TMEM132D: variants seen among roughly 807,000 people sequenced by gnomAD.
TMEM132D encodes the protein mature OL transmembrane protein.
A neutral mutation model predicts 62.3 loss-of-function variants in TMEM132D; 21 were observed. The ratio of observed to expected loss-of-function variants is 0.34; its 90% CI spans 0.24 to 0.49. The LOEUF (loss-of-function observed/expected upper bound fraction) is 0.49. TMEM132D is among the 20% of genes least tolerant of loss of function. The pLI is 0.99. For missense variants in TMEM132D, 1,346 were observed against 1,402.8 expected, an observed-to-expected ratio of 0.96 and a Z score of 0.65; for synonymous variants, 621 against 575.6, an observed-to-expected ratio of 1.08 and a Z score of -1.13.
intron 4 of TMEM132D, 89 bp from the exon 5 acceptor site, chr12:129,209,752 C>T (rs1878973753): frequency 6.4e-7 from 1 of 1,550,768 alleles, no homozygotes; most frequent in Non-Finnish European, 8.8e-7. Flanking sequence ...CTCAGCCTCC[C>T]TGCAAACAGC....
intron 5 of TMEM132D, among the ~76,000 whole-genome samples, chr12:129,097,105 C>T (rs1875140697): frequency 6.6e-6 from 1 of 152,354 alleles, no homozygotes; most frequent in African/African-American, 2.4e-5. Context: ...TGCCCCTGCC[C>T]TGTCCACATT....
At chr12:129,232,829 AAG>A (rs138298025) in intron 4 of TMEM132D, among the ~76,000 whole-genome samples, 1,898 of 149,296 alleles carry the variant, frequency 0.013, 36 homozygotes, top group African/African-American at 0.041. Flanking sequence ...GAGAGAGATA[AAG>A]AGAGAGAGAG....
chr12:129,501,586 C>T (rs1875142442), intron 3 of TMEM132D, among the ~76,000 whole-genome samples: 1 of 151,852 alleles, frequency 6.6e-6, no homozygotes, highest in African/African-American at 2.4e-5. Flanking sequence ...CTCATTGCAA[C>T]CTTGACGTCC....
At chr12:129,635,021 A>C (rs1879441308) in intron 2 of TMEM132D, among the ~76,000 whole-genome samples, 1 of 152,206 alleles carries the variant, frequency 6.6e-6, no homozygotes, top group Admixed American at 6.5e-5. Flanking sequence ...TCAAAACTAT[A>C]ATGAAACACT....
At chr12:129,519,610 CT>C (rs35695419) in intron 3 of TMEM132D, among the ~76,000 whole-genome samples, 70 of 147,028 alleles carry the variant, frequency 4.8e-4, no homozygotes, top group Non-Finnish European at 7.5e-4. Context: ...GATAAGAATG[CT>C]TTTTTTTTTT....
intron 4 of TMEM132D, among the ~76,000 whole-genome samples, chr12:129,318,103 T>A (rs1868545527): frequency 6.6e-6 from 1 of 152,214 alleles, no homozygotes; most frequent in African/African-American, 2.4e-5. Flanking sequence ...GTCCCTCCCT[T>A]ATTAGCTTAA....
At chr12:129,846,015 C>T (rs986531469) in intron 1 of TMEM132D, among the ~76,000 whole-genome samples, 1 of 152,162 alleles carries the variant, frequency 6.6e-6, no homozygotes, top group African/African-American at 2.4e-5. Context: ...GGGGAGGCAG[C>T]TTTTGGGTGT....
rs964262028 is a variant in TMEM132D at position 129,274,882 on chromosome 12, G to A, written c.1299+62752C>T. 3.3e-5 allele frequency among the ~76,000 whole-genome samples: 5 copies of A among 152,102 alleles called. No individual in the cohort carries two copies. The East Asian group carries it at 7.7e-4, about 23-fold the overall frequency. Reference sequence around the variant, plus strand: ...AGCCTGGGCGACAGAGCGAGACTCCGTCTCAAAAACAAAAACAAAAACAAA... The same window carrying A: ...AGCCTGGGCGACAGAGCGAGACTCCATCTCAAAAACAAAAACAAAAACAAA... On this transcript the variant is annotated intron_variant, in intron 4 of 8. Coordinates refer to ENST00000422113, the MANE Select transcript of TMEM132D (RefSeq NM_133448.3).
rs1874152329 is a variant in TMEM132D, at chr12:129,073,791, T to C, written c.*84A>G. 1 of 1,259,474 alleles carries C rather than the reference T, an allele frequency of 7.9e-7. No individual in the cohort carries two copies. The highest frequency in any genetic ancestry group is 1.1e-6 in the Non-Finnish European group (1 of 904,160). 78.0% of individuals were successfully genotyped at this position (1,259,474 alleles called of 1,614,324 possible). ...TCCTTATTTTGTCCTGCTGCTTTGT[T>C]TCTCTTCCGGGGGCACCGTTGCTAC... On this transcript the variant is annotated 3_prime_UTR_variant, in exon 9 of 9. Transcript: ENST00000422113.
intron 2 of TMEM132D, among the ~76,000 whole-genome samples, chr12:129,600,898 G>A (rs1334665270): frequency 2.0e-5 from 3 of 152,126 alleles, no homozygotes; most frequent in African/African-American, 7.2e-5. Flanking sequence ...GAATTTCAGA[G>A]TGGTAAATGC....
chr12:129,138,733 G>T (rs545965875), intron 5 of TMEM132D, among the ~76,000 whole-genome samples: 1 of 152,232 alleles, frequency 6.6e-6, no homozygotes, highest in South Asian at 2.1e-4. Flanking sequence ...AAAGAAAGCT[G>T]GCTAGAACTT....
intron 1 of TMEM132D, among the ~76,000 whole-genome samples, chr12:129,849,303 C>T (rs1329433725): frequency 6.6e-6 from 1 of 152,068 alleles, no homozygotes; most frequent in Non-Finnish European, 1.5e-5. Flanking sequence ...AGAATATAAG[C>T]AAGGTTTTCT....
At chr12:129,843,674 A>T (rs889471108) in intron 1 of TMEM132D, among the ~76,000 whole-genome samples, 15 of 152,192 alleles carry the variant, frequency 9.9e-5, no homozygotes, top group Non-Finnish European at 2.1e-4. Flanking sequence ...CAAATACATC[A>T]CATTTGTAAC....
At chr12:129,768,994 C>T (rs985026724) in intron 1 of TMEM132D, among the ~76,000 whole-genome samples, 2 of 152,116 alleles carry the variant, frequency 1.3e-5, no homozygotes, top group African/African-American at 2.4e-5. Context: ...CTCCTCGAGC[C>T]CACATCAAGT....
chr12:129,623,894 T>C (rs1464354912), intron 2 of TMEM132D, among the ~76,000 whole-genome samples: 1 of 152,128 alleles, frequency 6.6e-6, no homozygotes, highest in Non-Finnish European at 1.5e-5. Context: ...AGTGTCTTTA[T>C]TATATAATGA....
rs1221364697 is a variant in TMEM132D at position 129,903,435 on chromosome 12, G to A, written c.-96C>T. 7.4e-7 allele frequency: 1 copy of A among 1,345,668 alleles called. No homozygotes were observed. Among genetic ancestry groups the A allele is most frequent in the East Asian group, 2.5e-5 (1 of 39,400 alleles). 83.4% of individuals were successfully genotyped at this position (1,345,668 alleles called of 1,614,324 possible). ...CCTAGAGGCCCGCAGCGGGGCCGGTGGCGAGGGAGCGCCCGGCTAGGGGCC... is the reference window on the plus strand; with the variant it reads ...CCTAGAGGCCCGCAGCGGGGCCGGTAGCGAGGGAGCGCCCGGCTAGGGGCC... On this transcript the variant is annotated 5_prime_UTR_variant, in exon 1 of 9. Transcript: ENST00000422113. The surrounding 1 kb of genome is among the most constrained non-coding windows in gnomAD (Gnocchi z 6.2).
At chr12:129,898,408 G>C (rs969529328) in intron 1 of TMEM132D, among the ~76,000 whole-genome samples, 5 of 152,246 alleles carry the variant, frequency 3.3e-5, no homozygotes, top group Non-Finnish European at 7.3e-5. Context: ...GTTGTAGAAT[G>C]TCAACCTTGT....
chr12:129,637,203 C>T (rs1299527029), intron 2 of TMEM132D, among the ~76,000 whole-genome samples: 1 of 152,120 alleles, frequency 6.6e-6, no homozygotes, highest in African/African-American at 2.4e-5. Context: ...ATAGAAATTA[C>T]TCTGTTCATT....
chr12:129,317,750 C>T (rs1170804595), intron 4 of TMEM132D, among the ~76,000 whole-genome samples: 2 of 152,190 alleles, frequency 1.3e-5, no homozygotes, highest in Non-Finnish European at 2.9e-5. Flanking sequence ...CAAGCTTTTA[C>T]AATTCTCTTC....
Sources: allele counts gnomAD v4.1 joint callset (sites outside exome capture counted in the v4.1 genomes callset), GRCh38; gene constraint gnomAD v4.1.1; non-coding constraint Gnocchi (gnomAD v3.1); transcripts MANE v1.5; gene names NCBI Gene and HGNC (gene_info 2026-07-23, HGNC 2026-07-21).